WSCD2: variants seen among roughly 807,000 people sequenced by gnomAD.
WSCD2 encodes sialate:O-sulfotransferase 2.
WSCD2 carries 28 observed loss-of-function variants against 55.7 expected under a neutral mutation model. That is an observed-to-expected ratio of 0.50 (90% CI 0.37 to 0.69). WSCD2 has a LOEUF of 0.69. WSCD2 is among the 30% of genes least tolerant of loss of function. The pLI is 0.00. For missense variants in WSCD2, 616 were observed against 762.1 expected, an observed-to-expected ratio of 0.81 and a Z score of 2.26; for synonymous variants, 301 against 301.9, an observed-to-expected ratio of 1.00 and a Z score of 0.03.
intron 4 of WSCD2, among the ~76,000 whole-genome samples, chr12:108,221,865 G>A (rs1887562001): frequency 6.6e-6 from 1 of 152,192 alleles, no homozygotes; most frequent in African/African-American, 2.4e-5. Flanking sequence ...GCAGCATCCT[G>A]ACACTATCAC....
At chr12:108,211,877 C>T (rs1195430816) in intron 4 of WSCD2, among the ~76,000 whole-genome samples, 2 of 148,140 alleles carry the variant, frequency 1.4e-5, no homozygotes, top group African/African-American at 5.0e-5. Context: ...GTTGGCCAGG[C>T]TGGTCTCAAA....
At chr12:108,201,320 C>G (rs1226392041) in intron 2 of WSCD2, among the ~76,000 whole-genome samples, 1 of 152,184 alleles carries the variant, frequency 6.6e-6, no homozygotes, top group Non-Finnish European at 1.5e-5. Context: ...TCCATTTTCA[C>G]ATGACCATCT....
At chr12:108,146,673 C>G (rs997457671) in intron 1 of WSCD2, among the ~76,000 whole-genome samples, 5 of 152,172 alleles carry the variant, frequency 3.3e-5, no homozygotes, top group African/African-American at 1.2e-4. Context: ...GAGGCCCAGG[C>G]GTAGGGTGGG....
At chr12:108,227,727 GTGA>G (rs112313899) in intron 6 of WSCD2, among the ~76,000 whole-genome samples, 24 of 150,470 alleles carry the variant, frequency 1.6e-4, no homozygotes, top group East Asian at 5.9e-4. Flanking sequence ...GATAATGATG[GTGA>G]TGATGATGAT....
chr12:108,225,023 T>C (rs1024136025), intron 5 of WSCD2, among the ~76,000 whole-genome samples, 163 bp downstream of exon 5: 1 of 152,182 alleles, frequency 6.6e-6, no homozygotes, highest in Admixed American at 6.5e-5. Flanking sequence ...TTCACGTGGA[T>C]CTAAGGGGCT....
intron 3 of WSCD2, among the ~76,000 whole-genome samples, chr12:108,209,889 C>T (rs948354946): frequency 6.6e-6 from 1 of 152,006 alleles, no homozygotes. Context: ...CCCTGTCTCC[C>T]GAAGGCCCCC....
At position 108,240,333 on chromosome 12, in the gene WSCD2, G is replaced by T. The variant is rs1889624593; in HGVS notation, c.1145-11G>T. The T allele has an allele frequency of 6.2e-7, 1 of 1,613,734 alleles. No homozygotes were observed. The highest frequency in any genetic ancestry group is 1.1e-5 in the South Asian group (1 of 91,070). On this transcript the variant is annotated splice_polypyrimidine_tract_variant and intron_variant, in intron 7 of 8. Transcript: ENST00000547525. ...TCACCAGTCCTGTTCCTCACCTCTG[G>T]CTGCGGGAAGGGTTTAAAGGTGAGC...
chr12:108,213,535 G>T (rs1886471104), intron 4 of WSCD2, among the ~76,000 whole-genome samples: 1 of 152,156 alleles, frequency 6.6e-6, no homozygotes, highest in Admixed American at 6.5e-5. Context: ...AACAGCACTG[G>T]GGGAGGCTCC....
chr12:108,244,635 C>G (rs1400304343), intron 8 of WSCD2: 15 of 700,810 alleles, frequency 2.1e-5, no homozygotes, highest in Non-Finnish European at 3.6e-5. Context: ...GGCTGAAGAT[C>G]GAGTAATGTC....
chr12:108,155,979 GC>G (rs997211495), intron 1 of WSCD2, among the ~76,000 whole-genome samples: 7 of 152,096 alleles, frequency 4.6e-5, no homozygotes, highest in Admixed American at 2.0e-4. Context: ...CCCAGGCTGT[GC>G]CCCCCACACA....
chr12:108,163,392 AAAAAGAAAGAAAAAG>A (rs1268289686), intron 1 of WSCD2, among the ~76,000 whole-genome samples: 34 of 152,258 alleles, frequency 2.2e-4, no homozygotes, highest in Non-Finnish European at 3.7e-4. Flanking sequence ...ATTAAAATTA[AAAAAGAAAGAAAAAG>A]TCTATACCAT....
intron 1 of WSCD2, among the ~76,000 whole-genome samples, chr12:108,171,160 G>T (rs1462863270): frequency 3.3e-5 from 5 of 152,204 alleles, no homozygotes. Flanking sequence ...GGAGCCAAAA[G>T]AACCTAGTTT....
At chr12:108,169,933 G>C (rs1451178212) in intron 1 of WSCD2, among the ~76,000 whole-genome samples, 3 of 152,172 alleles carry the variant, frequency 2.0e-5, no homozygotes, top group Non-Finnish European at 4.4e-5. Context: ...AGACCCAAGG[G>C]AGGTTATTTT....
chr12:108,211,630 C>CATAT (rs56944563), intron 4 of WSCD2, among the ~76,000 whole-genome samples: 17,339 of 138,300 alleles, frequency 0.13, 1,148 homozygotes, highest in Middle Eastern at 0.16. Context: ...TTTCAAATCC[C>CATAT]ATATATATAT....
At chr12:108,143,722 C>G (rs1877098059) in intron 1 of WSCD2, among the ~76,000 whole-genome samples, 1 of 152,196 alleles carries the variant, frequency 6.6e-6, no homozygotes, top group Non-Finnish European at 1.5e-5. Context: ...ACTCCACATC[C>G]TGAAGACTCA....
chr12:108,131,524 A>G (rs1816606457), intron 1 of WSCD2, among the ~76,000 whole-genome samples: 1 of 152,204 alleles, frequency 6.6e-6, no homozygotes, highest in Non-Finnish European at 1.5e-5. Context: ...TGAGAGGACT[A>G]ACTGAGATGG....
At chr12:108,140,657 C>T (rs892911167) in intron 1 of WSCD2, among the ~76,000 whole-genome samples, 3 of 152,180 alleles carry the variant, frequency 2.0e-5, no homozygotes, top group African/African-American at 7.2e-5. Context: ...TCCCCTGGAC[C>T]GCCCAGATCT....
intron 7 of WSCD2, among the ~76,000 whole-genome samples, chr12:108,234,310 C>A (rs1331997342): frequency 6.6e-6 from 1 of 152,178 alleles, no homozygotes; most frequent in Non-Finnish European, 1.5e-5. Flanking sequence ...TCCGCTAACC[C>A]TAGCTCAGGG....
At chr12:108,230,758 T>C (rs2137187211) in intron 6 of WSCD2, among the ~76,000 whole-genome samples, 1 of 152,342 alleles carries the variant, frequency 6.6e-6, no homozygotes, top group Non-Finnish European at 1.5e-5. Flanking sequence ...TCTGCCCTCA[T>C]GCCCGAGTAA....
Sources: gnomAD v4.1 joint callset for allele counts (sites outside exome capture counted in the v4.1 genomes callset) on GRCh38, gnomAD v4.1.1 for gene constraint, MANE v1.5 for transcripts, NCBI Gene and HGNC (gene_info 2026-07-23, HGNC 2026-07-21) for gene names.